Variants in CPNE4 observed in about 807,000 individuals in gnomAD.
CPNE4 encodes the protein copine-4.
A neutral mutation model predicts 67.9 loss-of-function variants in CPNE4; 25 were observed. That is an observed-to-expected ratio of 0.37 (90% CI 0.27 to 0.51). The LOEUF is 0.51. CPNE4 is among the 20% of genes least tolerant of loss of function. CPNE4 has a pLI of 0.93. For synonymous variants in CPNE4, 242 were observed against 244.9 expected (o/e 0.99, Z 0.11); for missense variants, 464 against 690.8 (o/e 0.67, Z 3.68).
At chr3:132,000,938 C>T (rs1243291239) in intron 1 of CPNE4, among the ~76,000 whole-genome samples, 1 of 151,330 alleles carries the variant, frequency 6.6e-6, no homozygotes, top group African/African-American at 2.4e-5. Flanking sequence ...GTACTAGAAT[C>T]AATCACATTT....
intron 14 of CPNE4, 33 bp from the exon 15 acceptor site, chr3:131,542,826 G>C (rs1302439348): frequency 6.3e-6 from 9 of 1,437,068 alleles, no homozygotes; most frequent in Non-Finnish European, 8.8e-6. Flanking sequence ...GATGGGGGGG[G>C]GTGAAGAGGT....
At chr3:131,865,970 G>A (rs1366958700) in intron 2 of CPNE4, among the ~76,000 whole-genome samples, 1 of 152,200 alleles carries the variant, frequency 6.6e-6, no homozygotes, top group Non-Finnish European at 1.5e-5. Context: ...ATATGGCCAG[G>A]CCTTTACAGG....
intron 2 of CPNE4, among the ~76,000 whole-genome samples, chr3:131,896,592 CA>C (rs1313175694): frequency 6.6e-6 from 1 of 152,090 alleles, no homozygotes; most frequent in Non-Finnish European, 1.5e-5. Context: ...ACAGTTTGCA[CA>C]GAAAGTATCT....
At chr3:132,012,901 G>T (rs2073803144) in intron 1 of CPNE4, among the ~76,000 whole-genome samples, 1 of 152,078 alleles carries the variant, frequency 6.6e-6, no homozygotes, top group South Asian at 2.1e-4. Context: ...CAAAGAGAAG[G>T]TCCTAATAAC....
intron 7 of CPNE4, among the ~76,000 whole-genome samples, chr3:131,636,287 T>A (rs1399809936): frequency 6.6e-6 from 1 of 152,128 alleles, no homozygotes; most frequent in African/African-American, 2.4e-5. Flanking sequence ...TTGGTGCTGT[T>A]GAGCGGGGTT....
At chr3:131,648,772 C>T (rs557848935) in intron 7 of CPNE4, among the ~76,000 whole-genome samples, 5 of 152,208 alleles carry the variant, frequency 3.3e-5, no homozygotes, top group South Asian at 2.1e-4. Context: ...AATGAACCAA[C>T]GCTATGAAAT....
chr3:131,985,213 C>G (rs953408669), intron 1 of CPNE4, among the ~76,000 whole-genome samples: 4 of 152,176 alleles, frequency 2.6e-5, no homozygotes, highest in Non-Finnish European at 1.5e-5. Context: ...ACTCTACCCT[C>G]ATCACCTAAA....
At chr3:131,863,310 T>C (rs918016248) in intron 2 of CPNE4, among the ~76,000 whole-genome samples, 13 of 152,150 alleles carry the variant, frequency 8.5e-5, no homozygotes, top group African/African-American at 3.1e-4. Context: ...GTTGAACTAG[T>C]TTACAGTCCC....
chr3:131,962,684 T>G (rs573942928), intron 1 of CPNE4, among the ~76,000 whole-genome samples: 1 of 151,672 alleles, frequency 6.6e-6, no homozygotes, highest in South Asian at 2.1e-4. Flanking sequence ...CCTAAACAAA[T>G]AGATGGACTT....
chr3:131,996,379 T>TG (rs1274143539), intron 1 of CPNE4, among the ~76,000 whole-genome samples: 1 of 150,982 alleles, frequency 6.6e-6, no homozygotes, highest in African/African-American at 2.4e-5. Context: ...AAGCTGGAGA[T>TG]GAAAAAGTCA....
At chr3:132,003,928 T>C (rs973949067) in intron 1 of CPNE4, among the ~76,000 whole-genome samples, 12 of 152,040 alleles carry the variant, frequency 7.9e-5, no homozygotes, top group Non-Finnish European at 1.5e-4. Context: ...CATCAGAAGA[T>C]GCCCCCAAAT....
At chr3:131,846,502 T>C (rs1002101847) in intron 2 of CPNE4, among the ~76,000 whole-genome samples, 3 of 152,200 alleles carry the variant, frequency 2.0e-5, no homozygotes, top group African/African-American at 7.2e-5. Context: ...AGCTTCCCTT[T>C]ATCCCCATTC....
At chr3:131,980,408 T>C (rs1367225445) in intron 1 of CPNE4, among the ~76,000 whole-genome samples, 1 of 152,158 alleles carries the variant, frequency 6.6e-6, no homozygotes, top group Admixed American at 6.5e-5. Context: ...TCTTTTTTCT[T>C]TGTCTTTGTT....
intron 2 of CPNE4, among the ~76,000 whole-genome samples, chr3:131,843,009 G>A (rs182675140): frequency 5.8e-4 from 89 of 152,198 alleles, no homozygotes; most frequent in African/African-American, 1.9e-3. Context: ...CACCCCTTCC[G>A]CTATTATGCA....
At chr3:131,650,573 G>T (rs1049020243) in intron 7 of CPNE4, among the ~76,000 whole-genome samples, 1 of 149,970 alleles carries the variant, frequency 6.7e-6, no homozygotes. Flanking sequence ...GTGAAACCCC[G>T]TCTCTACTAA....
chr3:131,623,276 G>T (rs7643824), intron 7 of CPNE4, among the ~76,000 whole-genome samples: 36,222 of 151,888 alleles, frequency 0.24, 8,059 homozygotes, highest in African/African-American at 0.59. Flanking sequence ...AAGACAGATG[G>T]AGTGTGCTGA....
intron 2 of CPNE4, among the ~76,000 whole-genome samples, chr3:131,793,355 C>A (rs1483437839): frequency 6.6e-6 from 1 of 152,118 alleles, no homozygotes; most frequent in African/African-American, 2.4e-5. Flanking sequence ...TTGTGGTTTT[C>A]TATAGTTCTT....
chr3:131,908,903 A>C (rs1387788641), intron 1 of CPNE4, among the ~76,000 whole-genome samples: 2 of 152,120 alleles, frequency 1.3e-5, no homozygotes, highest in Non-Finnish European at 2.9e-5. Context: ...TAAATAATAT[A>C]TGTAATGTGA....
At chr3:132,000,688 T>C (rs1055432765) in intron 1 of CPNE4, among the ~76,000 whole-genome samples, 19 of 151,572 alleles carry the variant, frequency 1.3e-4, no homozygotes, top group African/African-American at 4.1e-4. Context: ...TTGGGTATCA[T>C]GAGAAAAGCA....
Sources: allele counts gnomAD v4.1 joint callset (sites outside exome capture counted in the v4.1 genomes callset), GRCh38; gene constraint gnomAD v4.1.1; transcripts MANE v1.5; gene names NCBI Gene and HGNC (gene_info 2026-07-23, HGNC 2026-07-21).